The following SMG1 variants were observed in gnomAD, a reference collection of about 807,000 sequenced individuals.
SMG1 encodes the protein serine/threonine-protein kinase SMG1.
SMG1 carries 22 observed loss-of-function variants against 419.9 expected under a neutral mutation model. That is an observed-to-expected ratio of 0.05 (90% CI 0.04 to 0.07). The LOEUF (loss-of-function observed/expected upper bound fraction) is 0.07. Ranked by LOEUF, SMG1 falls within the 10% of genes least tolerant of loss-of-function variation. The probability of loss-of-function intolerance (pLI) is 1.00; values close to 1 mark genes in which losing one functional copy is unlikely to be tolerated. For missense variants in SMG1, 3,185 were observed against 4,342.0 expected (o/e 0.73, Z 7.49); for synonymous variants, 1,538 against 1,553.5 (o/e 0.99, Z 0.23).
At chr16:18,876,663 C>CG (rs1048314244) in intron 12 of SMG1, among the ~76,000 whole-genome samples, 1 of 28,654 alleles carries the variant, frequency 3.5e-5, no homozygotes, top group African/African-American at 8.8e-5. Context: ...CCGAAATGGC[C>CG]GTTTTTTTTT....
intron 1 of SMG1, among the ~76,000 whole-genome samples, chr16:18,922,954 G>A (rs1285170899): frequency 2.0e-5 from 3 of 152,164 alleles, no homozygotes; most frequent in Admixed American, 6.5e-5. Flanking sequence ...GTTGGCAAGC[G>A]CCTGTAGCCC....
In SMG1 at chr16:18,877,133, C is replaced by G; in HGVS notation, c.1618G>C (p.Glu540Gln). 6.5e-7 allele frequency: 1 copy of G among 1,540,874 alleles called. No individual in the cohort carries two copies. Among genetic ancestry groups the G allele is most frequent in the Non-Finnish European group, 8.7e-7 (1 of 1,144,440 alleles). ...TTCATTATCAATGTATTACTTACCT[C>G]TTTTTCTTTATGATAACGCAAGAAT... is the stretch of plus-strand genomic sequence containing the variant. ...LLFLRYHKEK[E>Q]VVAVAHAVYQ... The change falls in exon 12 of 63, where the codon GAG becomes CAG. Residue 540 changes from glutamate (E) to glutamine (Q), a missense_variant and splice_region_variant. By Grantham distance (29) the Glu-to-Gln change is conservative. Around this residue, in one of 27 missense-constraint regions of SMG1, gnomAD observed 297 missense variants for 491.0 expected, o/e 0.60. Transcript: ENST00000446231.
chr16:18,875,123 T>C (rs2036051446), intron 13 of SMG1: 1 of 152,508 alleles, frequency 6.6e-6, no homozygotes, highest in South Asian at 2.1e-4. Flanking sequence ...GGTCATTTTA[T>C]GCAATATTTT....
chr16:18,828,285 A>G, intron 54 of SMG1, 117 bp from the exon 55 acceptor site: 1 of 923,898 alleles, frequency 1.1e-6, no homozygotes, highest in Admixed American at 2.6e-5. Flanking sequence ...GCTGCAGCCA[A>G]TGGGAGGTAA....
In SMG1 at chr16:18,885,623, G is replaced by A. The variant is rs1355891820; in HGVS notation, c.866C>T (p.Thr289Ile). Reference protein sequence around the residue: ...SLQSILENVDTPELLCKCVKC... With the variant: ...SLQSILENVDIPELLCKCVKC... ...AACACATTTACAAAGCAATTCTGGT[G>A]TATCCACATTTTCAAGAATAGACTG... The change falls in exon 7 of 63, where the codon ACA becomes ATA. Residue 289 changes from threonine to isoleucine, a missense_variant. Thr to Ile is a moderately conservative substitution (Grantham distance 89, BLOSUM62 -1). Transcript: ENST00000446231. 9 of 1,595,796 alleles carry A rather than the reference G, an allele frequency of 5.6e-6. No individual in the cohort carries two copies. Among genetic ancestry groups the A allele is most frequent in the East Asian group, 4.5e-5 (2 of 44,878 alleles).
At chr16:18,887,337 C>G (rs1355934317) in intron 6 of SMG1, among the ~76,000 whole-genome samples, 1 of 151,514 alleles carries the variant, frequency 6.6e-6, no homozygotes, top group Admixed American at 6.6e-5. Context: ...CCTCTATAAT[C>G]AAGGGGAAAA....
intron 35 of SMG1, 58 bp from the exon 36 acceptor site, chr16:18,849,436 A>G (rs1481126983): frequency 2.3e-5 from 34 of 1,496,772 alleles, no homozygotes; most frequent in Non-Finnish European, 3.1e-5. Flanking sequence ...TGAAGAAACT[A>G]TCAGCATCGT....
intron 1 of SMG1, among the ~76,000 whole-genome samples, chr16:18,908,753 G>A (rs541369596): frequency 2.3e-4 from 35 of 151,298 alleles, no homozygotes; most frequent in Admixed American, 2.0e-4. Context: ...GGTGGCAGGC[G>A]CCTGAAGTCC....
intron 9 of SMG1, 139 bp from the exon 10 acceptor site, chr16:18,882,477 T>A: frequency 2.1e-6 from 1 of 480,980 alleles, no homozygotes; most frequent in Non-Finnish European, 3.6e-6. Flanking sequence ...CCCATGAGAA[T>A]ATTCATGACT....
At chr16:18,858,088 T>C (rs2035014391) in intron 29 of SMG1, 82 bp downstream of exon 29, 3 of 1,111,002 alleles carry the variant, frequency 2.7e-6, no homozygotes, top group Non-Finnish European at 3.8e-6. Flanking sequence ...ACACTTAGAA[T>C]GTGTAATATA....
intron 13 of SMG1, among the ~76,000 whole-genome samples, chr16:18,873,338 G>C (rs2035927366): frequency 6.6e-6 from 1 of 152,092 alleles, no homozygotes; most frequent in Non-Finnish European, 1.5e-5. Context: ...CCCTGCCTCA[G>C]TTTCCCAAGT....
rs202215577 is a variant in SMG1, at chr16:18,832,770, ATAAT to A, written c.8792+166_8792+169del. 6.6e-3 allele frequency among the ~76,000 whole-genome samples: 1,009 copies of A among 152,320 alleles called. 8 individuals carry two copies. The highest frequency in any genetic ancestry group is 0.021 in the African/African-American group (893 of 41,546). On this transcript the variant is annotated intron_variant, in intron 51 of 62. Transcript: ENST00000446231. Reference sequence around the variant, plus strand: ...TTTTTTAAGCAACTTCTCGTGATGTATAATTATTTCAAAATAAAAAAGTTTTAAA... The same window carrying A: ...TTTTTTAAGCAACTTCTCGTGATGTATATTTCAAAATAAAAAAGTTTTAAA...
intron 51 of SMG1, among the ~76,000 whole-genome samples, chr16:18,831,399 A>G (rs1274212530): frequency 6.6e-6 from 1 of 152,196 alleles, no homozygotes; most frequent in Non-Finnish European, 1.5e-5. Context: ...TTTGTTACCC[A>G]AAGTACACAT....
At chr16:18,895,978 G>C in intron 3 of SMG1, 74 bp downstream of exon 3, 4 of 1,329,482 alleles carry the variant, frequency 3.0e-6, no homozygotes, top group Non-Finnish European at 3.2e-6. Context: ...GCGTTAGTAA[G>C]AGGCATCCAG....
At chr16:18,880,210 T>C (rs1410064193) in intron 10 of SMG1, among the ~76,000 whole-genome samples, 1 of 152,226 alleles carries the variant, frequency 6.6e-6, no homozygotes, top group Non-Finnish European at 1.5e-5. Flanking sequence ...AGCACTCTCA[T>C]GCTTACCACA....
chr16:18,817,564 T>A (rs2141123097), intron 56 of SMG1, 94 bp from the exon 57 acceptor site: 1 of 1,023,916 alleles, frequency 9.8e-7, no homozygotes, highest in East Asian at 2.6e-5. Flanking sequence ...TACTTCCTCA[T>A]TTTGAGAATT....
At chr16:18,856,249 A>G (rs531441312) in intron 29 of SMG1, 15 of 149,666 alleles carry the variant, frequency 1.0e-4, no homozygotes, top group African/African-American at 3.0e-4. Context: ...TGCAGCCTTC[A>G]TTTCCCAGGC....
At chr16:18,880,449 A>T (rs1311247086) in intron 10 of SMG1, among the ~76,000 whole-genome samples, 1 of 152,182 alleles carries the variant, frequency 6.6e-6, no homozygotes, top group Non-Finnish European at 1.5e-5. Context: ...ACAGTGACTC[A>T]TATCTATCAT....
rs767036821 is a variant in SMG1, at chr16:18,850,514, A to G, written c.5053-47T>C. ...AATGCTATTTTAAATACAAACTGAA[A>G]AGGGAAAAAGGTATGTAATTTGACT... On this transcript the variant is annotated intron_variant, in intron 33 of 62. Coordinates refer to ENST00000446231, the MANE Select transcript of SMG1 (RefSeq NM_015092.5). 47 of 1,298,598 alleles carry G rather than the reference A, an allele frequency of 3.6e-5. No individual in the cohort carries two copies. The African/African-American group carries it at 5.8e-4, about 16-fold the overall frequency. The allele number at this position is 1,298,598 out of a possible 1,614,324, so 80.4% of individuals were successfully genotyped here.
Sources: gnomAD v4.1 joint callset for allele counts (sites outside exome capture counted in the v4.1 genomes callset) on GRCh38, gnomAD v4.1.1 for gene constraint, gnomAD v4.1.1 regional missense constraint, MANE v1.5 for transcripts, NCBI Gene and HGNC (gene_info 2026-07-23, HGNC 2026-07-21) for gene names.